Variants in ABLIM1 observed in about 807,000 individuals in gnomAD.
The protein encoded by ABLIM1 is actin-binding LIM protein 1.
ABLIM1 carries 40 observed loss-of-function variants against 107.0 expected under a neutral mutation model. The observed-to-expected ratio is 0.37, with a 90% CI of 0.29 to 0.49. The LOEUF (loss-of-function observed/expected upper bound fraction) is 0.49. ABLIM1 is among the 20% of genes least tolerant of loss of function. The pLI is 0.97. For synonymous variants in ABLIM1, 357 were observed against 357.3 expected, an observed-to-expected ratio of 1.00 and a Z score of 0.01; for missense variants, 857 against 1,008.5, an observed-to-expected ratio of 0.85 and a Z score of 2.04.
chr10:114,647,380 G>C (rs1401346540), intron 1 of ABLIM1, among the ~76,000 whole-genome samples: 1 of 152,184 alleles, frequency 6.6e-6, no homozygotes, highest in African/African-American at 2.4e-5. Context: ...TTAGGGAAAA[G>C]AGCCCAAGGA....
At chr10:114,461,413 A>G (rs1308353618) in intron 12 of ABLIM1, among the ~76,000 whole-genome samples, 1 of 151,344 alleles carries the variant, frequency 6.6e-6, no homozygotes, top group Non-Finnish European at 1.5e-5. Context: ...TTTTTTAAGA[A>G]AAAAAAACAG....
intron 8 of ABLIM1, among the ~76,000 whole-genome samples, chr10:114,484,343 A>G (rs2057853441): frequency 1.3e-5 from 2 of 152,160 alleles, no homozygotes; most frequent in African/African-American, 4.8e-5. Context: ...TCCATAGAGT[A>G]GGTGCCTGTT....
intron 1 of ABLIM1, among the ~76,000 whole-genome samples, chr10:114,744,174 C>A (rs1416835045): frequency 6.6e-6 from 1 of 152,210 alleles, no homozygotes; most frequent in African/African-American, 2.4e-5. Flanking sequence ...TGCAGTGAAG[C>A]ACCTGTGCTT....
chr10:114,777,326 T>G, the ABLIM1 span, among the ~76,000 whole-genome samples: 21 of 152,228 alleles, frequency 1.4e-4, no homozygotes, highest in African/African-American at 5.1e-4. Context: ...TTTTCATGTT[T>G]TTCCATATTT....
chr10:114,648,690 C>T (rs2079108730), intron 1 of ABLIM1, among the ~76,000 whole-genome samples: 1 of 152,196 alleles, frequency 6.6e-6, no homozygotes, highest in Non-Finnish European at 1.5e-5. Flanking sequence ...TACTACATTA[C>T]ATCTCCATTT....
chr10:114,439,083 A>T, intron 21 of ABLIM1, 93 bp downstream of exon 21: 1 of 1,487,278 alleles, frequency 6.7e-7, no homozygotes, highest in Non-Finnish European at 9.3e-7. Context: ...ACACCAGCCT[A>T]CAACACTTTG....
chr10:114,596,385 A>G (rs1343124156), intron 2 of ABLIM1, among the ~76,000 whole-genome samples: 1 of 152,220 alleles, frequency 6.6e-6, no homozygotes, highest in Non-Finnish European at 1.5e-5. Flanking sequence ...AGTGTCCTGC[A>G]TGGAGTATGT....
intron 1 of ABLIM1, among the ~76,000 whole-genome samples, chr10:114,613,178 G>A (rs1013035846): frequency 2.6e-5 from 4 of 152,136 alleles, no homozygotes; most frequent in Non-Finnish European, 4.4e-5. Flanking sequence ...TTTATAAAAG[G>A]TATTCAAAGA....
intron 6 of ABLIM1, among the ~76,000 whole-genome samples, chr10:114,537,839 A>G (rs1591014285): frequency 6.6e-6 from 1 of 152,352 alleles, no homozygotes; most frequent in East Asian, 1.9e-4. Flanking sequence ...AGTGAGAATG[A>G]GAAGAATGCA....
At chr10:114,784,387 G>C in the ABLIM1 span, among the ~76,000 whole-genome samples, 1 of 141,638 alleles carries the variant, frequency 7.1e-6, no homozygotes, top group Non-Finnish European at 1.5e-5. Context: ...GAAATGGGCC[G>C]GGCATGGTAG....
upstream of ABLIM1, among the ~76,000 whole-genome samples, chr10:114,662,400 G>A (rs1378685793): frequency 6.6e-6 from 1 of 152,008 alleles, no homozygotes; most frequent in Non-Finnish European, 1.5e-5. Flanking sequence ...AGACAGTGAC[G>A]ACTCGGCCCA....
intron 1 of ABLIM1, among the ~76,000 whole-genome samples, chr10:114,638,045 T>C (rs2078567234): frequency 1.3e-5 from 2 of 152,222 alleles, no homozygotes; most frequent in South Asian, 4.1e-4. Context: ...TATGTTGTAA[T>C]GAAGGATGGA....
chr10:114,652,379 T>C (rs150330130), intron 1 of ABLIM1, among the ~76,000 whole-genome samples: 1 of 152,332 alleles, frequency 6.6e-6, no homozygotes, highest in East Asian at 1.9e-4. Context: ...CTACTTAGTT[T>C]GAAAACAGGT....
intron 2 of ABLIM1, among the ~76,000 whole-genome samples, chr10:114,579,036 C>T (rs2073026234): frequency 6.6e-6 from 1 of 152,060 alleles, no homozygotes; most frequent in Non-Finnish European, 1.5e-5. Context: ...ATCTGCCCAC[C>T]TCAGCCTCCC....
At chr10:114,710,559 G>A (rs545766597) in intron 1 of ABLIM1, among the ~76,000 whole-genome samples, 13 of 152,290 alleles carry the variant, frequency 8.5e-5, no homozygotes, top group African/African-American at 2.9e-4. Context: ...AATTATGGGA[G>A]CTACAATTCA....
the ABLIM1 span, among the ~76,000 whole-genome samples, chr10:114,792,901 C>T: frequency 6.6e-6 from 1 of 152,202 alleles, no homozygotes. Flanking sequence ...CCTGTAATCC[C>T]AGCACTTTGG....
chr10:114,491,865 T>G lies in ABLIM1; in HGVS notation c.908A>C (p.His303Pro). The change falls in exon 7 of 23, where the codon CAT becomes CCT. Residue 303 changes from histidine to proline, a missense_variant. Physicochemically the swap from His to Pro is moderately conservative, Grantham distance 77. This residue lies in a region of ABLIM1 where 381 missense variants were observed against 506.9 expected (regional missense o/e 0.75). Transcript: ENST00000533213. ...TGKVLEAGDKHYHPSCARCSR... is the reference protein window; with the variant it reads ...TGKVLEAGDKPYHPSCARCSR... Reference sequence around the variant, plus strand: ...GCATCGTGCACAGCTGGGGTGGTAATGTTTGTCACCTGCCTGCAAGAGAAA... The same window carrying G: ...GCATCGTGCACAGCTGGGGTGGTAAGGTTTGTCACCTGCCTGCAAGAGAAA... 6.2e-7 allele frequency: 1 copy of G among 1,607,946 alleles called. No individual in the cohort carries two copies. Among genetic ancestry groups the G allele is most frequent in the Non-Finnish European group, 8.5e-7 (1 of 1,175,222 alleles).
At chr10:114,747,319 C>A (rs367740774) in intron 1 of ABLIM1, among the ~76,000 whole-genome samples, 1 of 152,168 alleles carries the variant, frequency 6.6e-6, no homozygotes, top group African/African-American at 2.4e-5. Context: ...CCACAGACCA[C>A]GGGGACATGG....
At chr10:114,792,387 A>G in the ABLIM1 span, among the ~76,000 whole-genome samples, 3 of 152,224 alleles carry the variant, frequency 2.0e-5, no homozygotes, top group Admixed American at 1.3e-4. Context: ...ATTGGTCACA[A>G]AGTCAGTATT....
Sources: allele counts gnomAD v4.1 joint callset (sites outside exome capture counted in the v4.1 genomes callset), GRCh38; gene constraint gnomAD v4.1.1; regional missense constraint gnomAD v4.1.1; transcripts MANE v1.5; gene names NCBI Gene and HGNC (gene_info 2026-07-23, HGNC 2026-07-21).